IL17B: variants seen among roughly 807,000 people sequenced by gnomAD.
IL17B encodes the protein interleukin-17B.
IL17B carries 14 observed loss-of-function variants against 14.7 expected under a neutral mutation model. That is an observed-to-expected ratio of 0.95 (90% confidence interval 0.63 to 1.49). The LOEUF (loss-of-function observed/expected upper bound fraction) is 1.49. Among genes scored for constraint, IL17B ranks in the 40% most tolerant of loss-of-function variants. IL17B has a pLI of 0.00. For synonymous variants in IL17B, 105 were observed against 94.8 expected (o/e 1.11, Z -0.62); for missense variants, 233 against 252.8 (o/e 0.92, Z 0.53).
chr5:149,394,305 T>C (rs899588986), intron 1 of IL17B, among the ~76,000 whole-genome samples: 1 of 152,204 alleles, frequency 6.6e-6, no homozygotes, highest in Admixed American at 6.5e-5. Flanking sequence ...TGAAATACCA[T>C]GACAGACAAT....
At chr5:149,379,852 G>A (rs1334286253), upstream of IL17B, among the ~76,000 whole-genome samples, 1 of 152,190 alleles carries the variant, frequency 6.6e-6, no homozygotes, top group East Asian at 1.9e-4. Flanking sequence ...TTAACAGTGA[G>A]TTAGAGGTGT....
rs531175839 is a variant in IL17B, at chr5:149,400,069, C to T, written n.95+4039G>A. On this transcript the variant is annotated intron_variant and non_coding_transcript_variant, in intron 1 of 2. Coordinates refer to the IL17B transcript ENST00000505432. ...TGTTTAGGGTTGAACTATGTCCCCC[C>T]TCCCCAAATTTCTATGTTTAATTCC... 1.8e-3 allele frequency among the ~76,000 whole-genome samples: 276 copies of T among 152,270 alleles called. 1 individual carries two copies. The highest frequency in any genetic ancestry group is 0.017 in the South Asian group (84 of 4,816).
chr5:149,388,506 C>T (rs353281), intron 1 of IL17B, among the ~76,000 whole-genome samples: 82,980 of 152,004 alleles, frequency 0.55, 23,661 homozygotes, highest in African/African-American at 0.71. Flanking sequence ...CTTTTATTAG[C>T]GTTTTAAATG....
At chr5:149,402,233 G>C (rs1036249843) in intron 1 of IL17B, among the ~76,000 whole-genome samples, 1 of 152,174 alleles carries the variant, frequency 6.6e-6, no homozygotes, top group Non-Finnish European at 1.5e-5. Flanking sequence ...TAATATTCGA[G>C]TTGTCAGTCA....
chr5:149,383,821 CAG>C (rs1177445578), upstream of IL17B, among the ~76,000 whole-genome samples: 3 of 152,252 alleles, frequency 2.0e-5, no homozygotes, highest in African/African-American at 7.2e-5. Flanking sequence ...CTCCTCCCCA[CAG>C]GGGGAAGTCA....
At chr5:149,377,431 A>G (rs944517427) in intron 1 of IL17B, among the ~76,000 whole-genome samples, 5 of 152,164 alleles carry the variant, frequency 3.3e-5, no homozygotes, top group African/African-American at 4.8e-5. Context: ...TGTGTATACA[A>G]TTCTTTTATG....
At chr5:149,402,621 C>T (rs1280530128) in intron 1 of IL17B, among the ~76,000 whole-genome samples, 2 of 150,494 alleles carry the variant, frequency 1.3e-5, no homozygotes, top group Non-Finnish European at 2.9e-5. Flanking sequence ...TCTCCTGACA[C>T]ACACATACGT....
Position 149,376,980 on chromosome 5 carries a change from T to C in IL17B, c.67A>G (p.Arg23Gly). 1 of 1,596,412 alleles carries C rather than the reference T, an allele frequency of 6.3e-7. No individual in the cohort carries two copies. The highest frequency in any genetic ancestry group is 8.5e-7 in the Non-Finnish European group (1 of 1,173,126). The stretch of plus-strand genomic sequence containing the variant: ...CCCTTCCTCTTGCTTTTGGGGCTCC[T>C]GGGCTGGCCCAGCCCCAGGAAGATG... ...ISIFLGLGQP[R>G]SPKSKRKGQG... The change falls in exon 2 of 3, where the codon AGG becomes GGG. Residue 23 changes from arginine to glycine, a missense_variant. Physicochemically the swap from Arg to Gly is moderately radical, Grantham distance 125. Transcript: ENST00000261796.
At chr5:149,379,381 T>C, upstream of IL17B, 7 of 821,562 alleles carry the variant, frequency 8.5e-6, no homozygotes, top group Non-Finnish European at 1.4e-5. Flanking sequence ...GCTGGGAGCC[T>C]TGGGCCCCCA....
chr5:149,387,775 CAAAAAAAAAAAAAA>C, intron 1 of IL17B, among the ~76,000 whole-genome samples: 1 of 81,332 alleles, frequency 1.2e-5, no homozygotes, highest in South Asian at 4.4e-4. Flanking sequence ...GCCCCTGTCT[CAAAAAAAAAAAAAA>C]AAAAAAAGGA....
upstream of IL17B, among the ~76,000 whole-genome samples, chr5:149,379,450 G>A (rs530548871): frequency 3.9e-5 from 6 of 152,346 alleles, no homozygotes; most frequent in South Asian, 2.1e-4. Context: ...GCCAGGAGCC[G>A]AGCTGAGGTG....
chr5:149,374,553 C>G lies in IL17B; in HGVS notation c.359G>C (p.Arg120Pro). 6.2e-7 allele frequency: 1 copy of G among 1,613,038 alleles called. No individual in the cohort carries two copies. Among genetic ancestry groups the G allele is most frequent in the Non-Finnish European group, 8.5e-7 (1 of 1,179,742 alleles). ...SRIPVDLPEA[R>P]CLCLGCVNPF... ...GTTCACACAGCCCAGACACAGGCAC[C>G]GTGCCTCCGGCAGGTCCACGGGGAT... Residue 120 changes from arginine (R) to proline (P), a missense_variant, in exon 3 of 3, where the codon CGG becomes CCG. Coordinates refer to ENST00000261796, the MANE Select transcript of IL17B (RefSeq NM_014443.3). The surrounding 1 kb of genome is among the most constrained non-coding windows in gnomAD (Gnocchi z 5.0).
At chr5:149,390,356 A>T (rs911240829) in intron 1 of IL17B, among the ~76,000 whole-genome samples, 2 of 151,872 alleles carry the variant, frequency 1.3e-5, no homozygotes, top group Non-Finnish European at 2.9e-5. Context: ...CATTATGAAG[A>T]TGAAAGGCTC....
chr5:149,398,538 C>A (rs1324970736), intron 1 of IL17B, among the ~76,000 whole-genome samples: 2 of 152,192 alleles, frequency 1.3e-5, no homozygotes, highest in Non-Finnish European at 2.9e-5. Context: ...CCAGGCAGCA[C>A]AATTCTTTAC....
intron 1 of IL17B, among the ~76,000 whole-genome samples, chr5:149,390,127 T>C (rs1758907310): frequency 6.6e-6 from 1 of 152,110 alleles, no homozygotes; most frequent in Non-Finnish European, 1.5e-5. Flanking sequence ...TGAATATGAA[T>C]TTGTTCTACA....
rs1415657759 is a variant in IL17B at position 149,376,894 on chromosome 5, T to G, written c.153A>C (p.Ser51=). The G allele has an allele frequency of 4.3e-6, 7 of 1,614,020 alleles. No homozygotes were observed. Among genetic ancestry groups the G allele is most frequent in the Non-Finnish European group, 5.9e-6 (7 of 1,180,018 alleles). The change falls in exon 2 of 3, where the codon TCA becomes TCC. Residue 51 remains serine, a synonymous_variant. Coordinates refer to ENST00000261796, the MANE Select transcript of IL17B (RefSeq NM_014443.3). ...GPHQVPLDLV[S]RMKPYARMEE... Reference sequence around the variant, plus strand: ...CCATGCGGGCATACGGTTTCATCCGTGACACCAGGTCCAGTGGCACCTGGT... The same window carrying G: ...CCATGCGGGCATACGGTTTCATCCGGGACACCAGGTCCAGTGGCACCTGGT...
chr5:149,387,735 C>T (rs59371611), intron 1 of IL17B, among the ~76,000 whole-genome samples: 1,735 of 146,014 alleles, frequency 0.012, 33 homozygotes, highest in African/African-American at 0.041. Context: ...GAGATCACAC[C>T]ACAGCACTCC....
intron 1 of IL17B, among the ~76,000 whole-genome samples, chr5:149,401,898 T>C (rs1759210962): frequency 6.6e-6 from 1 of 152,228 alleles, no homozygotes; most frequent in African/African-American, 2.4e-5. Flanking sequence ...TCTCTTCTTA[T>C]TTTGTTGAAC....
At chr5:149,389,862 C>T (rs1365655396) in intron 1 of IL17B, among the ~76,000 whole-genome samples, 1 of 152,132 alleles carries the variant, frequency 6.6e-6, no homozygotes, top group South Asian at 2.1e-4. Context: ...ATTTGTTTAA[C>T]GGTCCTGGGT....
Sources: allele counts gnomAD v4.1 joint callset (sites outside exome capture counted in the v4.1 genomes callset), GRCh38; gene constraint gnomAD v4.1.1; non-coding constraint Gnocchi (gnomAD v3.1); transcripts MANE v1.5; gene names NCBI Gene and HGNC (gene_info 2026-07-23, HGNC 2026-07-21).